The following ERAP1 variants were observed in gnomAD, a reference collection of about 807,000 sequenced individuals.
ERAP1 encodes the protein endoplasmic reticulum aminopeptidase 1, also known as adipocyte-derived leucine aminopeptidase.
ERAP1 carries 86 observed loss-of-function variants against 103.7 expected under a neutral mutation model. The ratio of observed to expected loss-of-function variants is 0.83; its 90% CI spans 0.70 to 0.99. The LOEUF (loss-of-function observed/expected upper bound fraction) is 0.99, where lower values mean the gene tolerates loss of function less well. Among genes scored for constraint, ERAP1 ranks in the 50% least tolerant of loss-of-function variants. ERAP1 has a pLI of 0.00. For synonymous variants in ERAP1, 398 were observed against 402.4 expected, an observed-to-expected ratio of 0.99 and a Z score of 0.13; for missense variants, 1,009 against 1,128.4, an observed-to-expected ratio of 0.89 and a Z score of 1.52.
At chr5:96,893,035 C>T in the ERAP1 span, among the ~76,000 whole-genome samples, 12 of 152,130 alleles carry the variant, frequency 7.9e-5, no homozygotes, top group East Asian at 5.8e-4. Context: ...GTGTGCGGAT[C>T]ACATAGTAAG....
At chr5:96,828,340 A>G in the ERAP1 span, among the ~76,000 whole-genome samples, 1 of 152,214 alleles carries the variant, frequency 6.6e-6, no homozygotes, top group Admixed American at 6.5e-5. Flanking sequence ...CTAAGAATAT[A>G]AAAGATTCTA....
the ERAP1 span, among the ~76,000 whole-genome samples, chr5:96,861,396 C>T: frequency 6.3e-4 from 96 of 152,238 alleles, no homozygotes; most frequent in Non-Finnish European, 2.4e-4. Context: ...CAGCCTGAGC[C>T]CCAGCGGATC....
At chr5:96,803,382 G>A (rs966244207) in intron 2 of ERAP1, 21 bp downstream of exon 2, 31 of 1,609,686 alleles carry the variant, frequency 1.9e-5, no homozygotes, top group African/African-American at 1.6e-4. Context: ...CAGTTTAAAA[G>A]AAAAAGAGAA....
At chr5:96,894,136 G>T in the ERAP1 span, among the ~76,000 whole-genome samples, 1 of 152,164 alleles carries the variant, frequency 6.6e-6, no homozygotes, top group African/African-American at 2.4e-5. Context: ...ATACATCTTT[G>T]TATTTCTAAC....
At chr5:96,799,453 A>G (rs26614) in intron 3 of ERAP1, among the ~76,000 whole-genome samples, 34,282 of 152,022 alleles carry the variant, frequency 0.23, 3,929 homozygotes, top group East Asian at 0.27. Flanking sequence ...ATCCTCAAAA[A>G]AAAAAAAGAA....
chr5:96,834,916 T>C, the ERAP1 span, among the ~76,000 whole-genome samples: 1 of 152,190 alleles, frequency 6.6e-6, no homozygotes. Context: ...TTTAGACCCA[T>C]TGAATCAAAA....
exon 20 of ERAP1, chr5:96,761,416 A>T (rs772893931): frequency 6.6e-6 from 1 of 152,182 alleles, no homozygotes; most frequent in Non-Finnish European, 1.5e-5. Context: ...AATGGACAAT[A>T]AGTATCTTAT....
At chr5:96,868,663 T>C in the ERAP1 span, among the ~76,000 whole-genome samples, 1 of 152,196 alleles carries the variant, frequency 6.6e-6, no homozygotes, top group African/African-American at 2.4e-5. Context: ...CAGAACCGTT[T>C]CAAAAGCTTG....
Position 96,776,039 on chromosome 5 carries a change from C to G in ERAP1, c.*357G>C. On this transcript the variant is annotated 3_prime_UTR_variant, in exon 19 of 19. Transcript: ENST00000443439. ...CAGTAGTCGACTATTCAGAGTCTTT[C>G]GAGGAGACTGATGAAACAGTTTATG... 1.7e-6 allele frequency: 2 copies of G among 1,175,190 alleles called. No individual in the cohort carries two copies. The highest frequency in any genetic ancestry group is 2.1e-6 in the Non-Finnish European group (2 of 933,694). The allele number at this position is 1,175,190 out of a possible 1,614,324, so 72.8% of individuals were successfully genotyped here.
At chr5:96,765,235 C>A in intron 19 of ERAP1, 1 of 1,601,530 alleles carries the variant, frequency 6.2e-7, no homozygotes, top group Non-Finnish European at 8.5e-7. Flanking sequence ...GTGACAAAGA[C>A]CTCGATGATG....
chr5:96,782,160 G>A lies in ERAP1; in HGVS notation c.2286-306C>T, dbSNP rs144269701. 8.7e-3 allele frequency among the ~76,000 whole-genome samples: 1,320 copies of A among 151,948 alleles called. 28 individuals carry two copies. The highest frequency in any genetic ancestry group is 0.031 in the African/African-American group (1,266 of 41,420). On this transcript the variant is annotated intron_variant, in intron 15 of 18. Transcript: ENST00000443439. Reference sequence around the variant, plus strand: ...CGAGTAGCTGGGACTACAGGCGCCCGCCACCATGCCCGGCTCATTTTTTGT... The same window carrying A: ...CGAGTAGCTGGGACTACAGGCGCCCACCACCATGCCCGGCTCATTTTTTGT...
chr5:96,913,559 C>G, the ERAP1 span: 1 of 1,318,116 alleles, frequency 7.6e-7, no homozygotes, highest in Non-Finnish European at 1.1e-6. Flanking sequence ...TAAATAATAC[C>G]ATTTGTATCC....
the ERAP1 span, chr5:96,908,881 A>G: frequency 1.4e-5 from 20 of 1,396,054 alleles, no homozygotes; most frequent in South Asian, 2.3e-4. Context: ...ATTGTTCTCT[A>G]TTTCATATTT....
chr5:96,929,129 C>A, the ERAP1 span, among the ~76,000 whole-genome samples: 2 of 152,184 alleles, frequency 1.3e-5, no homozygotes, highest in Non-Finnish European at 2.9e-5. Flanking sequence ...TGTGTAAAAC[C>A]CCCAAGTCAA....
the ERAP1 span, chr5:96,913,458 G>T: frequency 6.2e-7 from 1 of 1,613,872 alleles, no homozygotes; most frequent in South Asian, 1.1e-5. Context: ...TTCTGAAAAA[G>T]TTGGTATTCA....
At chr5:96,869,642 G>A in the ERAP1 span, among the ~76,000 whole-genome samples, 5 of 152,188 alleles carry the variant, frequency 3.3e-5, no homozygotes, top group Middle Eastern at 3.2e-3. Context: ...TGGAGAGTTA[G>A]GAAGACAGCT....
chr5:96,793,308 A>C, intron 7 of ERAP1, 92 bp downstream of exon 7: 1 of 925,080 alleles, frequency 1.1e-6, no homozygotes, highest in East Asian at 2.6e-5. Context: ...TATTTTTATA[A>C]GTTCTATAAT....
Position 96,793,912 on chromosome 5 carries a change from C to T in ERAP1, c.965G>A (p.Trp322Ter). Reference protein sequence around the residue: ...PDFQSGAMENWGLTTYRESAL... With the variant: ...PDFQSGAMEN ...AGATTCTCTATATGTTGTCAGTCCC[C>T]AGTTTTCCATAGCACCAGACTGAAA... Residue 322 changes from tryptophan (W) to a stop codon, truncating the protein, a stop_gained, in exon 6 of 19, where the codon TGG (tryptophan) becomes TAG (stop). Transcript: ENST00000443439. LOFTEE classifies it high-confidence loss of function. The T allele has an allele frequency of 1.2e-6, 2 of 1,614,160 alleles. No individual in the cohort carries two copies. Among genetic ancestry groups the T allele is most frequent in the African/African-American group, 1.3e-5 (1 of 75,050 alleles).
chr5:96,815,378 GTGT>G, the ERAP1 span, among the ~76,000 whole-genome samples: 2,947 of 149,690 alleles, frequency 0.02, 77 homozygotes, highest in African/African-American at 0.063. Flanking sequence ...AACTATTAAG[GTGT>G]TGTTGTTGTT....
Sources: allele counts gnomAD v4.1 joint callset (sites outside exome capture counted in the v4.1 genomes callset), GRCh38; gene constraint gnomAD v4.1.1; transcripts MANE v1.5; gene names NCBI Gene and HGNC (gene_info 2026-07-23, HGNC 2026-07-21).